The following PTPRK variants were observed in gnomAD, a reference collection of about 807,000 sequenced individuals.
The protein encoded by PTPRK is protein tyrosine phosphatase receptor type K.
A neutral mutation model predicts 178.0 loss-of-function variants in PTPRK; 75 were observed. That is an observed-to-expected ratio of 0.42 (90% CI 0.35 to 0.51). The LOEUF is 0.51. Ranked by LOEUF, PTPRK falls within the 20% of genes least tolerant of loss-of-function variation. PTPRK has a pLI of 0.02. For missense variants in PTPRK, 1,441 were observed against 1,797.8 expected, an observed-to-expected ratio of 0.80 and a Z score of 3.59; for synonymous variants, 637 against 620.6, an observed-to-expected ratio of 1.03 and a Z score of -0.39.
chr6:128,506,191 T>C (rs904851581), intron 1 of PTPRK, among the ~76,000 whole-genome samples: 7 of 152,188 alleles, frequency 4.6e-5, no homozygotes, highest in Non-Finnish European at 1.0e-4. Context: ...TGTTGATTAA[T>C]TCTAATTCTC....
At chr6:128,093,596 C>CAAAAA (rs1172145765) in intron 7 of PTPRK, among the ~76,000 whole-genome samples, 1 of 6,274 alleles carries the variant, frequency 1.6e-4, no homozygotes, top group Non-Finnish European at 3.1e-4. Flanking sequence ...GACTCTCTCT[C>CAAAAA]AAAAAAAAAA....
At chr6:128,487,301 G>C (rs1853085034) in intron 1 of PTPRK, among the ~76,000 whole-genome samples, 1 of 150,902 alleles carries the variant, frequency 6.6e-6, no homozygotes, top group South Asian at 2.2e-4. Flanking sequence ...CTCCAGGACT[G>C]TGTTGGGCTT....
chr6:128,412,192 C>T (rs1842385270), intron 1 of PTPRK, among the ~76,000 whole-genome samples: 1 of 152,164 alleles, frequency 6.6e-6, no homozygotes, highest in African/African-American at 2.4e-5. Context: ...ATCTTCAATG[C>T]TACTTCCAAT....
intron 14 of PTPRK, chr6:128,006,028 G>A (rs768163901): frequency 8.8e-5 from 138 of 1,564,842 alleles, no homozygotes; most frequent in Non-Finnish European, 1.2e-4. Flanking sequence ...CTACTTACAG[G>A]TAGTAGGAGT....
At chr6:128,477,800 C>T (rs1215592792) in intron 1 of PTPRK, among the ~76,000 whole-genome samples, 3 of 151,938 alleles carry the variant, frequency 2.0e-5, no homozygotes, top group Non-Finnish European at 4.4e-5. Flanking sequence ...TTAGTAAAAA[C>T]CCAACCTGAT....
rs186551613 is a variant in PTPRK, at chr6:127,989,424, G to A, written c.3096+1345C>T. ...TTGCCTAATTTTTTCATGTTGGTAGGATAACTCACAAGTATTTTTATAAAA... is the reference window on the plus strand; with the variant it reads ...TTGCCTAATTTTTTCATGTTGGTAGAATAACTCACAAGTATTTTTATAAAA... On this transcript the variant is annotated intron_variant, in intron 21 of 29. Coordinates refer to ENST00000368226, the MANE Select transcript of PTPRK (RefSeq NM_002844.4). Among the ~76,000 whole-genome samples the A allele has an allele frequency of 3.8e-3, 572 of 151,986 alleles. 1 individual carries two copies. The highest frequency in any genetic ancestry group is 6.5e-3 in the Admixed American group (99 of 15,236).
At chr6:128,144,493 C>T (rs1319457147) in intron 7 of PTPRK, among the ~76,000 whole-genome samples, 1 of 152,136 alleles carries the variant, frequency 6.6e-6, no homozygotes, top group Non-Finnish European at 1.5e-5. Context: ...AGTCACATGG[C>T]TTCTTTCTTA....
chr6:128,359,101 T>C (rs561085547), intron 2 of PTPRK, among the ~76,000 whole-genome samples: 1 of 152,340 alleles, frequency 6.6e-6, no homozygotes, highest in South Asian at 2.1e-4. Flanking sequence ...GGCACTCAAA[T>C]GTAGCATAGG....
intron 7 of PTPRK, among the ~76,000 whole-genome samples, chr6:128,173,099 A>G (rs1382587867): frequency 6.6e-6 from 1 of 151,998 alleles, no homozygotes; most frequent in Non-Finnish European, 1.5e-5. Context: ...GATAAAAACC[A>G]ACAGTAAACT....
At chr6:128,460,315 G>T (rs1403714151) in intron 1 of PTPRK, among the ~76,000 whole-genome samples, 3 of 152,056 alleles carry the variant, frequency 2.0e-5, no homozygotes, top group Non-Finnish European at 4.4e-5. Flanking sequence ...AGGTCAAGGT[G>T]GGAGGATTGC....
At chr6:128,484,003 G>C (rs1220765693) in intron 1 of PTPRK, among the ~76,000 whole-genome samples, 1 of 151,502 alleles carries the variant, frequency 6.6e-6, no homozygotes, top group East Asian at 1.9e-4. Context: ...TCCCCTCTTC[G>C]TGGTTCTGTT....
chr6:128,310,924 T>C (rs1827150929), intron 3 of PTPRK, among the ~76,000 whole-genome samples: 1 of 152,032 alleles, frequency 6.6e-6, no homozygotes, highest in African/African-American at 2.4e-5. Context: ...CACCCAGGTG[T>C]AGGAGATTAA....
intron 1 of PTPRK, among the ~76,000 whole-genome samples, chr6:128,443,335 G>A (rs1198254477): frequency 6.6e-6 from 1 of 152,070 alleles, no homozygotes; most frequent in Non-Finnish European, 1.5e-5. Flanking sequence ...GAAGAGGGGT[G>A]AGGAAGTGAA....
intron 29 of PTPRK, 50 bp from the exon 30 acceptor site, chr6:127,970,330 A>C (rs1461676289): frequency 6.9e-7 from 1 of 1,449,044 alleles, no homozygotes; most frequent in African/African-American, 1.4e-5. Flanking sequence ...AAAGAGACTA[A>C]TGTTGAATAA....
At chr6:128,489,314 A>G (rs1316273043) in intron 1 of PTPRK, among the ~76,000 whole-genome samples, 1 of 152,220 alleles carries the variant, frequency 6.6e-6, no homozygotes. Flanking sequence ...AAAACTGCAT[A>G]AATTGTTCCA....
intron 3 of PTPRK, among the ~76,000 whole-genome samples, chr6:128,307,554 G>A (rs1826611006): frequency 6.6e-6 from 1 of 150,882 alleles, no homozygotes; most frequent in Admixed American, 6.6e-5. Flanking sequence ...CCCAAGCCAA[G>A]ACAAGCATGT....
intron 1 of PTPRK, among the ~76,000 whole-genome samples, chr6:128,481,542 T>G (rs1222165570): frequency 6.6e-6 from 1 of 152,110 alleles, no homozygotes; most frequent in Non-Finnish European, 1.5e-5. Context: ...TGTTTCCCCA[T>G]GTGATACTGT....
chr6:128,010,035 C>G (rs911291036), intron 13 of PTPRK, among the ~76,000 whole-genome samples: 1 of 151,186 alleles, frequency 6.6e-6, no homozygotes, highest in East Asian at 1.9e-4. Flanking sequence ...CAGTAACTCT[C>G]TGAGGACATT....
At chr6:128,093,685 C>T (rs1247076427) in intron 7 of PTPRK, among the ~76,000 whole-genome samples, 5 of 145,584 alleles carry the variant, frequency 3.4e-5, no homozygotes, top group Middle Eastern at 8.0e-3. Flanking sequence ...ACACAGTAAT[C>T]GAGTGATCTT....
Sources: allele counts gnomAD v4.1 joint callset (sites outside exome capture counted in the v4.1 genomes callset), GRCh38; gene constraint gnomAD v4.1.1; transcripts MANE v1.5; gene names NCBI Gene and HGNC (gene_info 2026-07-23, HGNC 2026-07-21).